Variants in ALDH1A3 observed in about 807,000 individuals in gnomAD.
ALDH1A3 encodes the protein retinaldehyde dehydrogenase 3.
Under a neutral mutation model 57.5 loss-of-function variants are expected in ALDH1A3, and 28 were observed. The observed-to-expected ratio is 0.49, with a 90% CI of 0.36 to 0.67. ALDH1A3 has a LOEUF of 0.67. ALDH1A3 is among the 30% of genes least tolerant of loss of function. The pLI is 0.00. For missense variants in ALDH1A3, 507 were observed against 669.4 expected, an observed-to-expected ratio of 0.76 and a Z score of 2.68; for synonymous variants, 281 against 264.8, an observed-to-expected ratio of 1.06 and a Z score of -0.59.
At chr15:100,884,585 T>A (rs1442251465) in intron 1 of ALDH1A3, among the ~76,000 whole-genome samples, 1 of 144,944 alleles carries the variant, frequency 6.9e-6, no homozygotes, top group Non-Finnish European at 1.5e-5. Flanking sequence ...TTTTTTGACA[T>A]TTTATCAACT....
At chr15:100,884,838 T>G (rs767082617) in intron 1 of ALDH1A3, among the ~76,000 whole-genome samples, 1 of 152,182 alleles carries the variant, frequency 6.6e-6, no homozygotes, top group Non-Finnish European at 1.5e-5. Flanking sequence ...CGGTGCGTCC[T>G]TACCCTTCAG....
At chr15:100,880,785 G>C (rs577633467) in intron 1 of ALDH1A3, 1 of 152,438 alleles carries the variant, frequency 6.6e-6, no homozygotes, top group East Asian at 1.9e-4. Context: ...TTACCTGCCC[G>C]GGGCAGAAAG....
rs2041813303 is a variant in ALDH1A3 at position 100,905,542 on chromosome 15, A to G, written c.1088A>G (p.Asp363Gly). ...QGPQIDQKQF[D>G]KILELIESGK... Reference sequence around the variant, plus strand: ...TTGCAGATTGATCAAAAGCAGTTCGACAAAATCTTAGAGCTGATCGAGAGT... The same window carrying G: ...TTGCAGATTGATCAAAAGCAGTTCGGCAAAATCTTAGAGCTGATCGAGAGT... The change falls in exon 10 of 13, where the codon GAC becomes GGC. Residue 363 changes from aspartate to glycine, a missense_variant. Asp to Gly is a moderately conservative substitution (Grantham distance 94, BLOSUM62 -1). This residue lies in a region of ALDH1A3 where 432 missense variants were observed against 608.4 expected (regional missense o/e 0.71). Coordinates refer to ENST00000329841, the MANE Select transcript of ALDH1A3 (RefSeq NM_000693.4). The G allele has an allele frequency of 1.9e-6, 3 of 1,614,082 alleles. No homozygotes were observed. Among genetic ancestry groups the G allele is most frequent in the African/African-American group, 2.7e-5 (2 of 74,920 alleles).
At position 100,897,546 on chromosome 15, in the gene ALDH1A3, G is replaced by A. The variant is rs117330496; in HGVS notation, c.781-537G>A. 9.9e-3 allele frequency among the ~76,000 whole-genome samples: 1,509 copies of A among 152,360 alleles called. 12 individuals carry two copies. The highest frequency in any genetic ancestry group is 0.037 in the Middle Eastern group (11 of 294). On this transcript the variant is annotated intron_variant, in intron 7 of 12. Transcript: ENST00000329841. ...TCTGCGGCAGCCTCAGTCTTAGAGTGTGTTTCCAGAGAATCGGCTCCTTCT... is the reference window on the plus strand; with the variant it reads ...TCTGCGGCAGCCTCAGTCTTAGAGTATGTTTCCAGAGAATCGGCTCCTTCT...
At chr15:100,886,804 G>A (rs2041598761) in intron 2 of ALDH1A3, among the ~76,000 whole-genome samples, 2 of 152,240 alleles carry the variant, frequency 1.3e-5, no homozygotes, top group East Asian at 1.9e-4. Context: ...GGGTGAGGCT[G>A]AAGGGAGAAA....
intron 4 of ALDH1A3, 35 bp from the exon 5 acceptor site, chr15:100,892,910 A>G: frequency 1.9e-6 from 3 of 1,608,530 alleles, no homozygotes; most frequent in Non-Finnish European, 1.7e-6. Context: ...GGACTAAGTG[A>G]GTGTGTCCTT....
intron 12 of ALDH1A3, 78 bp from the exon 13 acceptor site, chr15:100,914,623 A>G: frequency 7.2e-7 from 1 of 1,391,834 alleles, no homozygotes; most frequent in Non-Finnish European, 1.0e-6. Flanking sequence ...TGATGGAATG[A>G]TGAAGCCTCA....
chr15:100,885,498 T>C lies in ALDH1A3; in HGVS notation c.204+127T>C, dbSNP rs4646656. On this transcript the variant is annotated intron_variant, in intron 2 of 12. Transcript: ENST00000329841. ...GGGGGCAGGGCCTGGGCTAGCTGCG[T>C]GAATTGGCATGTGGTTCTCAGACGT... 0.29 allele frequency: 187,122 copies of C among 644,068 alleles called. 36,485 individuals carry two copies. The highest frequency in any genetic ancestry group is 0.71 in the East Asian group (25,438 of 36,078). 39.9% of individuals were successfully genotyped at this position (644,068 alleles called of 1,614,324 possible).
In ALDH1A3 at chr15:100,889,955, G is replaced by C. The variant is rs941138615; in HGVS notation, c.345+2243G>C. 2.0e-5 allele frequency among the ~76,000 whole-genome samples: 3 copies of C among 152,230 alleles called. No individual in the cohort carries two copies. The highest frequency in any genetic ancestry group is 4.4e-5 in the Non-Finnish European group (3 of 68,046). On this transcript the variant is annotated intron_variant, in intron 3 of 12. Coordinates refer to ENST00000329841, the MANE Select transcript of ALDH1A3 (RefSeq NM_000693.4). The surrounding 1 kb of genome is among the most constrained non-coding windows in gnomAD (Gnocchi z 5.1). ...GATATGGTTTCCGTGCATGTTCATG[G>C]AGCGTGTTCTCTTGCCGGCTCAGTG...
Position 100,900,566 on chromosome 15 carries a change from C to G in ALDH1A3, c.884-9C>G. ...GCTCTGCCCGCCTCCCTCGCCCCTC[C>G]CCCTCCAGTGGACTTGGCAGTGGAG... is the stretch of plus-strand genomic sequence containing the variant. On this transcript the variant is annotated splice_polypyrimidine_tract_variant and intron_variant, in intron 8 of 12. Transcript: ENST00000329841. 1.3e-6 allele frequency: 2 copies of G among 1,573,650 alleles called. No homozygotes were observed. The highest frequency in any genetic ancestry group is 1.7e-4 in the Middle Eastern group (1 of 6,012).
chr15:100,893,693 C>T lies in ALDH1A3; in HGVS notation c.538-261C>T, dbSNP rs1350063290. ...GGAGGCAGGGAGGAGGACACGTCTTCAGCAGATGTTTTAGAGGGAGAGGTA... is the reference window on the plus strand; with the variant it reads ...GGAGGCAGGGAGGAGGACACGTCTTTAGCAGATGTTTTAGAGGGAGAGGTA... On this transcript the variant is annotated intron_variant, in intron 5 of 12. Coordinates refer to ENST00000329841, the MANE Select transcript of ALDH1A3 (RefSeq NM_000693.4). This position sits in a 1 kb window ranked among gnomAD's most constrained non-coding sequence, Gnocchi z 4.8. 5.4e-6 allele frequency: 2 copies of T among 367,580 alleles called. No homozygotes were observed. The highest frequency in any genetic ancestry group is 4.4e-5 in the East Asian group (1 of 22,712). The allele number at this position is 367,580 out of a possible 1,614,324, so 22.8% of individuals were successfully genotyped here. A position where few individuals can be genotyped will look rare whatever the true frequency, so the allele number is the denominator to read the frequency against.
Position 100,889,104 on chromosome 15 carries a change from A to G in ALDH1A3, c.345+1392A>G, listed in dbSNP as rs1488114967. On this transcript the variant is annotated intron_variant, in intron 3 of 12. Transcript: ENST00000329841. The surrounding 1 kb of genome is among the most constrained non-coding windows in gnomAD (Gnocchi z 5.1). ...CACGTTGGGCCATGAGGTCCTTTGCATCCTGTCCTTGCCCATCTCAGCCTC... is the reference window on the plus strand; with the variant it reads ...CACGTTGGGCCATGAGGTCCTTTGCGTCCTGTCCTTGCCCATCTCAGCCTC... The G allele has an allele frequency of 2.0e-5, 3 of 152,228 alleles. No homozygotes were observed. The highest frequency in any genetic ancestry group is 4.4e-5 in the Non-Finnish European group (3 of 68,062). 9.4% of individuals were successfully genotyped at this position (152,228 alleles called of 1,614,324 possible).
At chr15:100,905,820 T>C in intron 10 of ALDH1A3, 133 bp downstream of exon 10, 1 of 1,012,762 alleles carries the variant, frequency 9.9e-7, no homozygotes, top group South Asian at 1.8e-5. Context: ...TTGTCGTTGT[T>C]GTTTTTTCTG....
rs71151987 is a variant in ALDH1A3, at chr15:100,907,844, CTTTTTTT to C, written c.1392-548_1392-542del. 2.2e-3 allele frequency among the ~76,000 whole-genome samples: 183 copies of C among 81,930 alleles called. 2 individuals are homozygous for C. The highest frequency in any genetic ancestry group is 8.3e-3 in the African/African-American group (173 of 20,908). 53.7% of individuals were successfully genotyped at this position (81,930 alleles called of 152,430 possible). A position where few individuals can be genotyped will look rare whatever the true frequency, so the allele number is the denominator to read the frequency against. ...GATTTTTCTTTTTCTTTCTTTCTTT[CTTTTTTT>C]TTTTTTTTTTTTTTTGAGATGGAGT... On this transcript the variant is annotated intron_variant, in intron 11 of 12. Transcript: ENST00000329841.
chr15:100,880,852 G>T (rs2041541041), intron 1 of ALDH1A3: 1 of 152,284 alleles, frequency 6.6e-6, no homozygotes, highest in East Asian at 1.9e-4. Context: ...GAGGAGGGCC[G>T]AGAGACCCGG....
Position 100,879,861 on chromosome 15 carries a change from G to C in ALDH1A3, c.-47G>C. The C allele has an allele frequency of 7.7e-7, 1 of 1,292,796 alleles. No homozygotes were observed. The highest frequency in any genetic ancestry group is 9.9e-7 in the Non-Finnish European group (1 of 1,006,630). The allele number at this position is 1,292,796 out of a possible 1,614,324, so 80.1% of individuals were successfully genotyped here. On this transcript the variant is annotated 5_prime_UTR_variant, in exon 1 of 13. Coordinates refer to ENST00000329841, the MANE Select transcript of ALDH1A3 (RefSeq NM_000693.4). ...GCTGCGCAGTGTCCGGGCCGAGCCGGTGCGCCGCAGACTAGGGCGCCTCGG... is the reference window on the plus strand; with the variant it reads ...GCTGCGCAGTGTCCGGGCCGAGCCGCTGCGCCGCAGACTAGGGCGCCTCGG...
At chr15:100,885,762 G>A (rs989635754) in intron 2 of ALDH1A3, among the ~76,000 whole-genome samples, 1 of 150,834 alleles carries the variant, frequency 6.6e-6, no homozygotes, top group South Asian at 2.1e-4. Context: ...TCTGGCAGAA[G>A]ACACTTTAGA....
intron 1 of ALDH1A3, chr15:100,881,147 C>A (rs912646099): frequency 1.3e-5 from 2 of 152,228 alleles, no homozygotes; most frequent in Non-Finnish European, 2.9e-5. Context: ...CTATGTGTGG[C>A]CTTCAGATTT....
rs1262223424 is a variant in ALDH1A3, at chr15:100,879,939, G to A, written c.32G>A (p.Gly11Glu). MATANGAVEN[G>E]QPDRKPPALP... The stretch of plus-strand genomic sequence containing the variant: ...ACCGCTAACGGGGCCGTGGAAAACG[G>A]GCAGCCGGACAGGAAGCCGCCGGCC... The change falls in exon 1 of 13, where the codon GGG (glycine) becomes GAG (glutamate). Residue 11 changes from glycine to glutamate, a missense_variant. Coordinates refer to ENST00000329841, the MANE Select transcript of ALDH1A3 (RefSeq NM_000693.4). 3.4e-6 allele frequency: 5 copies of A among 1,470,348 alleles called. No individual in the cohort carries two copies. Among genetic ancestry groups the A allele is most frequent in the Non-Finnish European group, 4.5e-6 (5 of 1,109,498 alleles). 91.1% of individuals were successfully genotyped at this position (1,470,348 alleles called of 1,614,324 possible). A position where few individuals can be genotyped will look rare whatever the true frequency, so the allele number is the denominator to read the frequency against.
Sources: gnomAD v4.1 joint callset for allele counts (sites outside exome capture counted in the v4.1 genomes callset) on GRCh38, gnomAD v4.1.1 for gene constraint, gnomAD v4.1.1 regional missense constraint, Gnocchi (gnomAD v3.1) non-coding constraint, MANE v1.5 for transcripts, NCBI Gene and HGNC (gene_info 2026-07-23, HGNC 2026-07-21) for gene names.